Variants in M1AP observed in about 807,000 individuals in gnomAD.
M1AP encodes the protein meiosis 1 arrest protein.
M1AP carries 39 observed loss-of-function variants against 51.2 expected under a neutral mutation model. The ratio of observed to expected loss-of-function variants is 0.76; its 90% CI spans 0.59 to 1.00. The LOEUF (loss-of-function observed/expected upper bound fraction) is 1.00. M1AP is among the 50% of genes least tolerant of loss of function. M1AP has a pLI of 0.00. For synonymous variants in M1AP, 251 were observed against 249.2 expected (o/e 1.01, Z -0.07); for missense variants, 545 against 641.2 (o/e 0.85, Z 1.62).
intron 5 of M1AP, among the ~76,000 whole-genome samples, chr2:74,578,189 G>C (rs1679192629): frequency 6.6e-6 from 1 of 152,198 alleles, no homozygotes. Flanking sequence ...TAGGAAACTT[G>C]AAAAAGATAC....
At chr2:74,604,313 C>T (rs148303029) in intron 4 of M1AP, among the ~76,000 whole-genome samples, 1 of 152,238 alleles carries the variant, frequency 6.6e-6, no homozygotes, top group East Asian at 1.9e-4. Flanking sequence ...TTAGCTAATT[C>T]CTACTTGTCT....
At chr2:74,561,040 G>A (rs1390789496) in intron 8 of M1AP, among the ~76,000 whole-genome samples, 3 of 151,088 alleles carry the variant, frequency 2.0e-5, no homozygotes. Flanking sequence ...AGGAGAAGGA[G>A]GAGAAACAGG....
chr2:74,586,772 G>A (rs1018096505), intron 4 of M1AP, among the ~76,000 whole-genome samples: 8 of 151,954 alleles, frequency 5.3e-5, no homozygotes, highest in African/African-American at 1.2e-4. Context: ...AGGCTGAGGC[G>A]GGCAGATCAC....
At position 74,615,039 on chromosome 2, in the gene M1AP, C is replaced by A. The variant is rs751701106; in HGVS notation, c.351G>T (p.Glu117Asp). 6.2e-7 allele frequency: 1 copy of A among 1,614,192 alleles called. No individual in the cohort carries two copies. Among genetic ancestry groups the A allele is most frequent in the Non-Finnish European group, 8.5e-7 (1 of 1,180,028 alleles). ...SQGASLRLAVEDGLQQFKQYS... is the reference protein window; with the variant it reads ...SQGASLRLAVDDGLQQFKQYS... ...ATTGTTTGAATTGCTGGAGCCCATC[C>A]TCTACTGCCAGCCGCAGAGAAGCAC... The change falls in exon 3 of 11, where the codon GAG becomes GAT. Residue 117 changes from glutamate (E) to aspartate (D), a missense_variant. Physicochemically the swap from Glu to Asp is conservative, Grantham distance 45. Transcript: ENST00000421985.
In M1AP at chr2:74,558,893, G is replaced by C. The variant is rs1387879264; in HGVS notation, c.1435-19C>G. 2 of 1,568,728 alleles carry C rather than the reference G, an allele frequency of 1.3e-6. No homozygotes were observed. The highest frequency in any genetic ancestry group is 1.7e-6 in the Non-Finnish European group (2 of 1,163,588). ...GCCCAGTCTGCAAAGAGAGCAACCA[G>C]AGCCTTCTCTGAAGATCAGAGTTTC... On this transcript the variant is annotated intron_variant, in intron 10 of 10. Transcript: ENST00000421985.
At chr2:74,608,339 G>A (rs1681136861) in intron 3 of M1AP, among the ~76,000 whole-genome samples, 1 of 152,176 alleles carries the variant, frequency 6.6e-6, no homozygotes, top group Admixed American at 6.5e-5. Flanking sequence ...GGATATATAT[G>A]CAGCCTTTTC....
At chr2:74,584,805 C>CAT (rs57709358) in intron 4 of M1AP, among the ~76,000 whole-genome samples, 12,918 of 139,072 alleles carry the variant, frequency 0.093, 708 homozygotes, top group Non-Finnish European at 0.13. Context: ...ATGTTATTGC[C>CAT]ATATATATAT....
chr2:74,616,584 T>G (rs1216020896), intron 2 of M1AP, among the ~76,000 whole-genome samples: 1 of 152,186 alleles, frequency 6.6e-6, no homozygotes, highest in African/African-American at 2.4e-5. Flanking sequence ...TTGGCAACCT[T>G]TTATTGATCA....
At chr2:74,568,621 T>A (rs1331011234) in intron 7 of M1AP, among the ~76,000 whole-genome samples, 1 of 152,160 alleles carries the variant, frequency 6.6e-6, no homozygotes, top group East Asian at 1.9e-4. Flanking sequence ...TCAAGTCAAT[T>A]TTCCCCCAAA....
chr2:74,613,164 C>T (rs1681467897), intron 3 of M1AP, among the ~76,000 whole-genome samples: 1 of 152,160 alleles, frequency 6.6e-6, no homozygotes, highest in African/African-American at 2.4e-5. Flanking sequence ...TTTCTGCTTA[C>T]ATTGCCCATA....
intron 4 of M1AP, among the ~76,000 whole-genome samples, chr2:74,590,177 G>A (rs947605221): frequency 9.2e-5 from 14 of 152,142 alleles, no homozygotes; most frequent in African/African-American, 1.7e-4. Flanking sequence ...ATTTCTCACC[G>A]TTTTGGAGGC....
At chr2:74,621,829 TG>T (rs1021342178) in intron 2 of M1AP, among the ~76,000 whole-genome samples, 38 of 144,876 alleles carry the variant, frequency 2.6e-4, no homozygotes, top group Non-Finnish European at 3.8e-4. Flanking sequence ...TAATATTGGT[TG>T]GGGGCGGTGG....
intron 1 of M1AP, 114 bp from the exon 2 acceptor site, chr2:74,640,441 T>G: frequency 1.2e-6 from 1 of 854,444 alleles, no homozygotes; most frequent in Non-Finnish European, 1.7e-6. Flanking sequence ...GATTGGGTAC[T>G]AAAGCTTGTC....
chr2:74,634,204 G>A (rs560130967), intron 2 of M1AP, among the ~76,000 whole-genome samples: 1 of 152,206 alleles, frequency 6.6e-6, no homozygotes, highest in African/African-American at 2.4e-5. Flanking sequence ...CAAATAGAGC[G>A]ATTTGTCTGA....
chr2:74,640,460 C>A, intron 1 of M1AP, 133 bp from the exon 2 acceptor site: 1 of 727,316 alleles, frequency 1.4e-6, no homozygotes, highest in Non-Finnish European at 2.1e-6. Flanking sequence ...TCCAGGCCAT[C>A]CTATTTTTTT....
intron 3 of M1AP, among the ~76,000 whole-genome samples, chr2:74,611,344 C>A (rs1681332405): frequency 6.6e-6 from 1 of 152,108 alleles, no homozygotes; most frequent in South Asian, 2.1e-4. Context: ...ATTACTGATT[C>A]AATCTCATTA....
intron 2 of M1AP, among the ~76,000 whole-genome samples, chr2:74,621,353 G>A (rs1290479780): frequency 6.6e-6 from 1 of 152,026 alleles, no homozygotes; most frequent in Non-Finnish European, 1.5e-5. Flanking sequence ...GAGAGGCACA[G>A]ATTAACAACT....
intron 2 of M1AP, among the ~76,000 whole-genome samples, chr2:74,620,397 A>T (rs929949711): frequency 1.3e-5 from 2 of 152,260 alleles, no homozygotes; most frequent in Admixed American, 1.3e-4. Context: ...CTGAGGCTGC[A>T]TCATAGGTGG....
chr2:74,609,024 G>A (rs1288320077), intron 3 of M1AP, among the ~76,000 whole-genome samples: 1 of 152,066 alleles, frequency 6.6e-6, no homozygotes, highest in African/African-American at 2.4e-5. Flanking sequence ...ATCAAATCAG[G>A]GTAATTAGCA....
Sources: allele counts gnomAD v4.1 joint callset (sites outside exome capture counted in the v4.1 genomes callset), GRCh38; gene constraint gnomAD v4.1.1; transcripts MANE v1.5; gene names NCBI Gene and HGNC (gene_info 2026-07-23, HGNC 2026-07-21).